Variants in CASK observed in about 807,000 individuals in gnomAD.
CASK encodes the protein peripheral plasma membrane protein CASK.
A neutral mutation model predicts 82.9 loss-of-function variants in CASK; 4 were observed. That is an observed-to-expected ratio of 0.05 (90% CI 0.02 to 0.11). The LOEUF (loss-of-function observed/expected upper bound fraction) is 0.11. Ranked by LOEUF, CASK falls within the 10% of genes least tolerant of loss-of-function variation. The probability of loss-of-function intolerance (pLI) is 1.00; values close to 1 mark genes in which losing one functional copy is unlikely to be tolerated. For synonymous variants in CASK, 259 were observed against 253.5 expected (o/e 1.02, Z -0.20); for missense variants, 358 against 720.9 (o/e 0.50, Z 5.76).
At chrX:41,736,265 T>C (rs2068495762) in intron 5 of CASK, among the ~76,000 whole-genome samples, 1 of 111,624 alleles carries the variant, frequency 9.0e-6, no homozygotes, top group Non-Finnish European at 1.9e-5. Context: ...GAGGCTGAGG[T>C]AAGAAGATTG....
At chrX:41,821,705 A>C (rs2070545401) in intron 2 of CASK, among the ~76,000 whole-genome samples, 1 of 112,589 alleles carries the variant, frequency 8.9e-6, no homozygotes, top group African/African-American at 3.2e-5. Flanking sequence ...ATTACTAACC[A>C]ATTTAAAAAG....
chrX:41,694,698 T>C (rs1314994479), intron 5 of CASK, among the ~76,000 whole-genome samples: 1 of 111,799 alleles, frequency 8.9e-6, no homozygotes, highest in Non-Finnish European at 1.9e-5. Flanking sequence ...CTTGGTTTTG[T>C]TTGGTTACTT....
At chrX:41,823,247 C>T (rs2070588288) in intron 2 of CASK, among the ~76,000 whole-genome samples, 1 of 109,593 alleles carries the variant, frequency 9.1e-6, no homozygotes, top group Non-Finnish European at 1.9e-5. Context: ...AGTACCTTGA[C>T]TTTCTTTTGG....
chrX:41,675,242 G>T (rs1228269669), intron 5 of CASK, among the ~76,000 whole-genome samples: 1 of 112,273 alleles, frequency 8.9e-6, no homozygotes, highest in Non-Finnish European at 1.9e-5. Context: ...GTAGTCAAAG[G>T]TGTGCACATT....
At chrX:41,785,542 A>T (rs1382579529) in intron 3 of CASK, among the ~76,000 whole-genome samples, 1 of 112,432 alleles carries the variant, frequency 8.9e-6, no homozygotes, top group Admixed American at 9.4e-5. Context: ...TGCAAACAAC[A>T]ACTAAAATGT....
chrX:41,704,784 T>A (rs1245991344), intron 5 of CASK, among the ~76,000 whole-genome samples: 4 of 112,188 alleles, frequency 3.6e-5, no homozygotes, highest in African/African-American at 1.3e-4. Context: ...AAAGGGTGAA[T>A]GATGCAGTCA....
chrX:41,863,434 C>T (rs751891841), intron 1 of CASK, among the ~76,000 whole-genome samples: 1 of 111,551 alleles, frequency 9.0e-6, no homozygotes, highest in African/African-American at 3.3e-5. Context: ...TGGAAACATC[C>T]CCATAGAAAG....
intron 7 of CASK, 133 bp from the exon 8 acceptor site, chrX:41,660,694 G>A: frequency 1.6e-6 from 1 of 639,175 alleles, no homozygotes; most frequent in East Asian, 3.5e-5. Context: ...GATTCTAAAG[G>A]CTTGCATTCT....
At chrX:41,702,188 C>T (rs373696762) in intron 5 of CASK, among the ~76,000 whole-genome samples, 499 of 109,564 alleles carry the variant, frequency 4.6e-3, no homozygotes, top group African/African-American at 0.015. Context: ...GAGTTCAAGA[C>T]GAGCCTGACC....
intron 1 of CASK, among the ~76,000 whole-genome samples, chrX:41,856,751 G>A (rs1419289188): frequency 1.0e-5 from 1 of 96,414 alleles, no homozygotes; most frequent in African/African-American, 3.9e-5. Context: ...AGCCAAGATC[G>A]CACCACTGCA....
At chrX:41,557,194 T>C in intron 18 of CASK, 94 bp from the exon 19 acceptor site, 1 of 738,570 alleles carries the variant, frequency 1.4e-6, no homozygotes, top group Non-Finnish European at 2.1e-6. Flanking sequence ...CTGACAACCA[T>C]TTCCTTTGAG....
chrX:41,768,557 T>C (rs887056431), intron 3 of CASK, among the ~76,000 whole-genome samples: 2 of 111,586 alleles, frequency 1.8e-5, no homozygotes, highest in African/African-American at 3.3e-5. Context: ...TATCTGTAAT[T>C]TTCTGACAGA....
In CASK at chrX:41,603,514, T is replaced by C. The variant is rs1242062088; in HGVS notation, c.1155+6390A>G. ...TACAAAATATGAAAGATTCCAAGTATCAGTTAATTGCTAATGCAATATTTA... is the reference window on the plus strand; with the variant it reads ...TACAAAATATGAAAGATTCCAAGTACCAGTTAATTGCTAATGCAATATTTA... On this transcript the variant is annotated intron_variant, in intron 12 of 26. Transcript: ENST00000378163. 5.3e-5 allele frequency among the ~76,000 whole-genome samples: 6 copies of C among 112,293 alleles called. No homozygotes were observed. In the East Asian group the frequency reaches 1.7e-3, roughly 31 times the overall value.
chrX:41,730,605 T>C (rs2068377988), intron 5 of CASK, among the ~76,000 whole-genome samples: 1 of 111,603 alleles, frequency 9.0e-6, no homozygotes, highest in African/African-American at 3.3e-5. Context: ...AATGGAAGTG[T>C]CCAATCTAGT....
chrX:41,759,410 C>G (rs1169932417), intron 3 of CASK, among the ~76,000 whole-genome samples: 1 of 112,123 alleles, frequency 8.9e-6, no homozygotes, highest in Non-Finnish European at 1.9e-5. Flanking sequence ...TTCTTTCCCC[C>G]TGTCCTGTAT....
chrX:41,921,319 T>C (rs1325670904), intron 1 of CASK, among the ~76,000 whole-genome samples: 1 of 112,001 alleles, frequency 8.9e-6, no homozygotes, highest in Non-Finnish European at 1.9e-5. Flanking sequence ...GTGCTATTAG[T>C]GTAAAATACA....
At position 41,922,999 on chromosome X, in the gene CASK, G is replaced by A. The variant is rs759199777; in HGVS notation, c.-11C>T. The A allele has an allele frequency of 1.2e-4, 149 of 1,207,014 alleles. No individual in the cohort carries two copies. The highest frequency in any genetic ancestry group is 1.7e-4 in the Non-Finnish European group (148 of 892,662). The stretch of plus-strand genomic sequence containing the variant: ...GTCGTCGTCGGCCATGGTCCGGAGG[G>A]GATAGCGGCCGCAGCGTGGAGGGCT... On this transcript the variant is annotated 5_prime_UTR_variant, in exon 1 of 27. Coordinates refer to ENST00000378163, the MANE Select transcript of CASK (RefSeq NM_001367721.1).
chrX:41,888,637 GTA>G (rs757631977), intron 1 of CASK, among the ~76,000 whole-genome samples: 2 of 105,166 alleles, frequency 1.9e-5, no homozygotes, highest in Admixed American at 1.1e-4. Flanking sequence ...ATATATGTAT[GTA>G]TATATATGTG....
chrX:41,834,347 C>T (rs1210442361), intron 2 of CASK, among the ~76,000 whole-genome samples: 2 of 111,843 alleles, frequency 1.8e-5, no homozygotes, highest in Non-Finnish European at 1.9e-5. Flanking sequence ...AGGAGAACTT[C>T]TATGTCCATT....
Sources: gnomAD v4.1 joint callset for allele counts (sites outside exome capture counted in the v4.1 genomes callset) on GRCh38, gnomAD v4.1.1 for gene constraint, MANE v1.5 for transcripts, NCBI Gene and HGNC (gene_info 2026-07-23, HGNC 2026-07-21) for gene names.